The following CDH12 variants were observed in gnomAD, a reference collection of about 807,000 sequenced individuals.
The protein encoded by CDH12 is cadherin-12.
A neutral mutation model predicts 74.1 loss-of-function variants in CDH12; 41 were observed. That is an observed-to-expected ratio of 0.55 (90% CI 0.43 to 0.72). The LOEUF (loss-of-function observed/expected upper bound fraction) is 0.72, where lower values mean the gene tolerates loss of function less well. CDH12 is among the 30% of genes least tolerant of loss of function. CDH12 has a pLI of 0.00. For synonymous variants in CDH12, 399 were observed against 355.0 expected (o/e 1.12, Z -1.39); for missense variants, 945 against 977.2 (o/e 0.97, Z 0.44).
rs781410640 is a variant in CDH12, at chr5:22,656,939, T to C, written c.-522-151575A>G. Among the ~76,000 whole-genome samples the C allele has an allele frequency of 4.5e-4, 68 of 152,084 alleles. 1 individual carries two copies. Among genetic ancestry groups the C allele is most frequent in the Admixed American group, 1.9e-3 (29 of 15,260 alleles). On this transcript the variant is annotated intron_variant, in intron 1 of 14. Transcript: ENST00000382254. ...GCAGCCTTGACCTCCTGGGTTCATG[T>C]GATCCTCCTGCCTCAGCCTCCTGAG...
At chr5:22,366,492 A>G (rs564792939) in intron 3 of CDH12, among the ~76,000 whole-genome samples, 1 of 152,228 alleles carries the variant, frequency 6.6e-6, no homozygotes, top group Non-Finnish European at 1.5e-5. Flanking sequence ...CCAACTGTGA[A>G]AGGTCCTTCT....
At chr5:22,786,398 G>A (rs971847664) in intron 1 of CDH12, among the ~76,000 whole-genome samples, 2 of 152,156 alleles carry the variant, frequency 1.3e-5, no homozygotes, top group African/African-American at 4.8e-5. Flanking sequence ...TTCCCTTTGT[G>A]GGGTTGGCCC....
At chr5:22,081,907 G>A (rs1000389913) in intron 4 of CDH12, among the ~76,000 whole-genome samples, 1 of 152,174 alleles carries the variant, frequency 6.6e-6, no homozygotes, top group Non-Finnish European at 1.5e-5. Context: ...TAGTGAATAA[G>A]TGATTGGTAA....
chr5:22,218,823 G>A (rs574216099), intron 3 of CDH12, among the ~76,000 whole-genome samples: 1 of 151,720 alleles, frequency 6.6e-6, no homozygotes, highest in African/African-American at 2.4e-5. Flanking sequence ...AACAGATTAT[G>A]TCCATAATAA....
intron 6 of CDH12, among the ~76,000 whole-genome samples, chr5:21,910,917 A>G (rs140598821): frequency 3.5e-4 from 54 of 152,292 alleles, no homozygotes; most frequent in Non-Finnish European, 5.7e-4. Flanking sequence ...GGACTCAACA[A>G]TACAAATCCA....
chr5:22,657,422 TAAAAC>T (rs1225675452), intron 1 of CDH12, among the ~76,000 whole-genome samples: 5 of 152,258 alleles, frequency 3.3e-5, no homozygotes, highest in East Asian at 1.9e-4. Flanking sequence ...TATTTTACAT[TAAAAC>T]AAAACAAAAC....
At chr5:22,083,703 T>C (rs1742886797) in intron 4 of CDH12, among the ~76,000 whole-genome samples, 1 of 152,118 alleles carries the variant, frequency 6.6e-6, no homozygotes, top group South Asian at 2.1e-4. Flanking sequence ...ATGATCTACA[T>C]GTTAGTACAT....
chr5:21,997,400 A>T (rs1390175690), intron 5 of CDH12, among the ~76,000 whole-genome samples: 2 of 152,144 alleles, frequency 1.3e-5, no homozygotes, highest in African/African-American at 4.8e-5. Flanking sequence ...ATCACATGTT[A>T]TATATTGTGG....
chr5:22,809,018 GAT>G (rs1193071542), intron 1 of CDH12, among the ~76,000 whole-genome samples: 1 of 151,386 alleles, frequency 6.6e-6, no homozygotes, highest in Non-Finnish European at 1.5e-5. Flanking sequence ...TGTATTTTGA[GAT>G]AGTTTATAAA....
chr5:22,098,067 A>T (rs1308466609), intron 4 of CDH12, among the ~76,000 whole-genome samples: 1 of 152,004 alleles, frequency 6.6e-6, no homozygotes, highest in East Asian at 1.9e-4. Flanking sequence ...TCCACAATCC[A>T]TTATTCTGTT....
intron 1 of CDH12, among the ~76,000 whole-genome samples, chr5:22,784,626 C>G (rs1274547327): frequency 6.6e-6 from 1 of 152,112 alleles, no homozygotes; most frequent in African/African-American, 2.4e-5. Flanking sequence ...CATCAATCTA[C>G]CAGTTCATCC....
chr5:22,646,982 C>G (rs1004745698), intron 1 of CDH12, among the ~76,000 whole-genome samples: 5 of 151,816 alleles, frequency 3.3e-5, no homozygotes, highest in African/African-American at 9.7e-5. Flanking sequence ...TCATAAACTA[C>G]TCTAGTTTTC....
chr5:22,851,852 C>G (rs1411307617), intron 1 of CDH12, among the ~76,000 whole-genome samples: 2 of 152,036 alleles, frequency 1.3e-5, no homozygotes, highest in Non-Finnish European at 2.9e-5. Flanking sequence ...TTTAAATTGT[C>G]TAGGATAATT....
chr5:22,034,785 G>T (rs1484303499), intron 5 of CDH12, among the ~76,000 whole-genome samples: 1 of 152,100 alleles, frequency 6.6e-6, no homozygotes, highest in East Asian at 1.9e-4. Flanking sequence ...GTGTCATGAA[G>T]AATAAAGACA....
At chr5:22,561,212 T>C (rs754625826) in intron 1 of CDH12, among the ~76,000 whole-genome samples, 1 of 152,128 alleles carries the variant, frequency 6.6e-6, no homozygotes, top group Non-Finnish European at 1.5e-5. Context: ...GACATTCAAC[T>C]TTCAAATGGC....
intron 1 of CDH12, among the ~76,000 whole-genome samples, chr5:22,724,969 C>T (rs1288164435): frequency 2.6e-5 from 4 of 151,936 alleles, no homozygotes; most frequent in South Asian, 2.1e-4. Flanking sequence ...CAGAACACCA[C>T]GTTTCCAGTA....
intron 2 of CDH12, among the ~76,000 whole-genome samples, chr5:22,419,299 T>A: frequency 6.6e-6 from 1 of 152,104 alleles, no homozygotes; most frequent in Non-Finnish European, 1.5e-5. Flanking sequence ...CTTGATGATC[T>A]CCCTTCCCCT....
chr5:22,026,914 T>C (rs1469882839), intron 5 of CDH12, among the ~76,000 whole-genome samples: 1 of 152,050 alleles, frequency 6.6e-6, no homozygotes, highest in East Asian at 1.9e-4. Flanking sequence ...TTATGAAAGG[T>C]ATTTCTTGCC....
At chr5:21,803,590 A>G (rs1043991991) in intron 9 of CDH12, among the ~76,000 whole-genome samples, 11 of 152,160 alleles carry the variant, frequency 7.2e-5, no homozygotes, top group Admixed American at 2.0e-4. Context: ...ACTATTCCTG[A>G]AATATGGTGC....
Sources: gnomAD v4.1 joint callset for allele counts (sites outside exome capture counted in the v4.1 genomes callset) on GRCh38, gnomAD v4.1.1 for gene constraint, MANE v1.5 for transcripts, NCBI Gene and HGNC (gene_info 2026-07-23, HGNC 2026-07-21) for gene names.